Variants in RBFOX3 observed in about 807,000 individuals in gnomAD.
The protein encoded by RBFOX3 is RNA binding protein fox-1 homolog 3.
In RBFOX3, 17 loss-of-function variants were observed where a neutral mutation model predicts 48.7. The observed-to-expected ratio is 0.35, with a 90% CI of 0.24 to 0.52. The LOEUF is 0.52. RBFOX3 is among the 20% of genes least tolerant of loss of function. The pLI is 0.94. For synonymous variants in RBFOX3, 212 were observed against 209.5 expected (o/e 1.01, Z -0.10); for missense variants, 382 against 497.5 (o/e 0.77, Z 2.21).
the RBFOX3 span, among the ~76,000 whole-genome samples, chr17:79,622,934 C>T: frequency 6.6e-6 from 1 of 152,190 alleles, no homozygotes; most frequent in South Asian, 2.1e-4. Flanking sequence ...GCTGCCACTC[C>T]CCATCAGCCA....
chr17:79,616,390 G>C, the RBFOX3 span, among the ~76,000 whole-genome samples: 2 of 152,016 alleles, frequency 1.3e-5, no homozygotes, highest in Admixed American at 6.6e-5. Flanking sequence ...ACAAAAATTA[G>C]CCGGGCGAAG....
chr17:79,344,191 A>AC (rs1295626277), intron 2 of RBFOX3, among the ~76,000 whole-genome samples: 2 of 152,220 alleles, frequency 1.3e-5, no homozygotes, highest in African/African-American at 4.8e-5. Flanking sequence ...CCTGAGGCCA[A>AC]CATCTTTTCC....
At chr17:79,266,809 G>C (rs1207967824) in intron 3 of RBFOX3, among the ~76,000 whole-genome samples, 16 of 151,956 alleles carry the variant, frequency 1.1e-4, no homozygotes, top group Non-Finnish European at 1.5e-5. Flanking sequence ...GGGCCCCTAA[G>C]TGTGGTGGAG....
intron 1 of RBFOX3, among the ~76,000 whole-genome samples, chr17:79,589,170 A>G (rs1035263852): frequency 6.6e-6 from 1 of 152,220 alleles, no homozygotes; most frequent in Non-Finnish European, 1.5e-5. Flanking sequence ...ATAACACAGG[A>G]CTGCACACTG....
At chr17:79,174,521 TCA>T (rs1007276730) in intron 4 of RBFOX3, among the ~76,000 whole-genome samples, 1 of 147,024 alleles carries the variant, frequency 6.8e-6, no homozygotes, top group Non-Finnish European at 1.5e-5. Flanking sequence ...TCTCACCGAC[TCA>T]CAGACACATG....
At chr17:79,560,218 T>G (rs1300583335) in intron 1 of RBFOX3, among the ~76,000 whole-genome samples, 2 of 152,074 alleles carry the variant, frequency 1.3e-5, no homozygotes, top group African/African-American at 4.8e-5. Context: ...CTGAAATGGT[T>G]GCTGGGTGGT....
At chr17:79,339,320 C>T (rs1341718272) in intron 2 of RBFOX3, among the ~76,000 whole-genome samples, 1 of 152,102 alleles carries the variant, frequency 6.6e-6, no homozygotes, top group Admixed American at 6.5e-5. Flanking sequence ...CCTCCCAAAG[C>T]GCTGGGGTTA....
chr17:79,112,725 C>T (rs1452162565), intron 5 of RBFOX3, among the ~76,000 whole-genome samples: 1 of 152,028 alleles, frequency 6.6e-6, no homozygotes, highest in Non-Finnish European at 1.5e-5. Flanking sequence ...ACTCCAAGCT[C>T]CCCCTCTCCA....
intron 2 of RBFOX3, among the ~76,000 whole-genome samples, chr17:79,414,087 A>G (rs1405977227): frequency 6.6e-6 from 1 of 152,042 alleles, no homozygotes; most frequent in Non-Finnish European, 1.5e-5. Flanking sequence ...CGGCCTTGTT[A>G]TTCTACCCAG....
At chr17:79,617,527 GC>G in the RBFOX3 span, among the ~76,000 whole-genome samples, 1 of 152,126 alleles carries the variant, frequency 6.6e-6, no homozygotes, top group Non-Finnish European at 1.5e-5. Context: ...ACTGCAGGTG[GC>G]CCCGTGGCCA....
chr17:79,329,972 C>T (rs1598283783), intron 2 of RBFOX3, among the ~76,000 whole-genome samples: 1 of 152,144 alleles, frequency 6.6e-6, no homozygotes, highest in South Asian at 2.1e-4. Context: ...CTGTTCACAC[C>T]CCTAAGTCAC....
At chr17:79,239,224 C>T (rs1233965789) in intron 3 of RBFOX3, among the ~76,000 whole-genome samples, 1 of 152,176 alleles carries the variant, frequency 6.6e-6, no homozygotes, top group African/African-American at 2.4e-5. Context: ...CTACCCAATC[C>T]TGGGGGCGGG....
chr17:79,612,392 G>A (rs940286921), upstream of RBFOX3, among the ~76,000 whole-genome samples: 134 of 152,190 alleles, frequency 8.8e-4, no homozygotes, highest in African/African-American at 3.1e-3. Context: ...GGGTTTGGTA[G>A]GGGCCTGGAA....
chr17:79,354,757 C>T (rs1177302300), intron 2 of RBFOX3, among the ~76,000 whole-genome samples: 1 of 152,226 alleles, frequency 6.6e-6, no homozygotes, highest in Non-Finnish European at 1.5e-5. Context: ...ACCTCACCTC[C>T]AACTCCGGCC....
intron 2 of RBFOX3, among the ~76,000 whole-genome samples, chr17:79,333,495 G>A (rs1021413390): frequency 6.6e-6 from 1 of 152,090 alleles, no homozygotes; most frequent in African/African-American, 2.4e-5. Flanking sequence ...AGAGAGAGAG[G>A]AGACAGAAAT....
rs1195340243 is a variant in RBFOX3 at position 79,243,095 on chromosome 17, C to T, written c.-73-7290G>A. On this transcript the variant is annotated intron_variant, in intron 3 of 14. Coordinates refer to ENST00000693108, the MANE Select transcript of RBFOX3 (RefSeq NM_001350451.2). The surrounding 1 kb of genome is among the most constrained non-coding windows in gnomAD (Gnocchi z 7.9). ...TCAGCTTTACAACCACCCTAGGGGG[C>T]AGGTACTATGATCACTTCCAGTTTC... Among the ~76,000 whole-genome samples, 1 of 152,174 alleles carries T rather than the reference C, an allele frequency of 6.6e-6. No individual in the cohort carries two copies. The highest frequency in any genetic ancestry group is 1.9e-4 in the East Asian group (1 of 5,184).
At chr17:79,145,235 C>T (rs963771568) in intron 4 of RBFOX3, among the ~76,000 whole-genome samples, 4 of 152,186 alleles carry the variant, frequency 2.6e-5, no homozygotes, top group African/African-American at 9.7e-5. Context: ...ACGTCCTATC[C>T]GAGTGTGCAC....
chr17:79,374,626 G>A (rs977480601), intron 2 of RBFOX3, among the ~76,000 whole-genome samples: 14 of 152,342 alleles, frequency 9.2e-5, no homozygotes, highest in African/African-American at 2.6e-4. Context: ...GCACACGCAC[G>A]GCACATGTGT....
chr17:79,188,895 A>G (rs565234925), intron 4 of RBFOX3, among the ~76,000 whole-genome samples: 1 of 152,362 alleles, frequency 6.6e-6, no homozygotes, highest in Non-Finnish European at 1.5e-5. Context: ...CTGGGCCATG[A>G]GCTCCTGGCA....
Sources: gnomAD v4.1 joint callset for allele counts (sites outside exome capture counted in the v4.1 genomes callset) on GRCh38, gnomAD v4.1.1 for gene constraint, Gnocchi (gnomAD v3.1) non-coding constraint, MANE v1.5 for transcripts, NCBI Gene and HGNC (gene_info 2026-07-23, HGNC 2026-07-21) for gene names.